The following VTI1A variants were observed in gnomAD, a reference collection of about 807,000 sequenced individuals.
VTI1A encodes the protein vesicle transport through interaction with t-SNAREs 1A.
A neutral mutation model predicts 34.9 loss-of-function variants in VTI1A; 22 were observed. The observed-to-expected ratio is 0.63, with a 90% CI of 0.45 to 0.90. The LOEUF (loss-of-function observed/expected upper bound fraction) is 0.90. VTI1A is among the 40% of genes least tolerant of loss of function. The pLI is 0.00. For missense variants in VTI1A, 268 were observed against 275.6 expected (o/e 0.97, Z 0.20); for synonymous variants, 87 against 97.3 (o/e 0.89, Z 0.62).
At chr10:112,584,911 A>G (rs2134411218) in intron 5 of VTI1A, among the ~76,000 whole-genome samples, 1 of 152,330 alleles carries the variant, frequency 6.6e-6, no homozygotes, top group East Asian at 1.9e-4. Flanking sequence ...CTTTTGAAGT[A>G]AAATAACCAT....
rs1849415124 is a variant in VTI1A, at chr10:112,505,958, A to C, written c.265-21129A>C. Among the ~76,000 whole-genome samples the C allele has an allele frequency of 1.3e-5, 2 of 152,180 alleles. 1 individual carries two copies. The highest frequency in any genetic ancestry group is 1.3e-4 in the Admixed American group (2 of 15,280). On this transcript the variant is annotated intron_variant, in intron 3 of 7. Coordinates refer to ENST00000393077, the MANE Select transcript of VTI1A (RefSeq NM_145206.4). ...CAGCTATCCATAGTATAGTATAATA[A>C]GATATTGTATTATTGTTAGTCTCTT...
At chr10:112,582,195 G>C (rs1016473745) in intron 5 of VTI1A, among the ~76,000 whole-genome samples, 3 of 152,112 alleles carry the variant, frequency 2.0e-5, no homozygotes, top group African/African-American at 7.2e-5. Flanking sequence ...CTGTCGTGGA[G>C]TTAGAAAGAG....
At chr10:112,833,409 C>T in the VTI1A span, among the ~76,000 whole-genome samples, 12 of 152,080 alleles carry the variant, frequency 7.9e-5, 1 homozygote, top group East Asian at 2.1e-3. Context: ...TTCCCTGCCT[C>T]GCCAGCCACT....
intron 5 of VTI1A, among the ~76,000 whole-genome samples, chr10:112,569,844 G>A (rs1479235698): frequency 6.6e-6 from 1 of 152,214 alleles, no homozygotes; most frequent in Non-Finnish European, 1.5e-5. Context: ...AGGTACTTGA[G>A]AAGCATATTA....
chr10:112,842,051 C>CTTTTTTTTTTTTTTTTTTT, the VTI1A span, among the ~76,000 whole-genome samples: 19 of 66,646 alleles, frequency 2.9e-4, no homozygotes, highest in Non-Finnish European at 4.6e-4. Flanking sequence ...TTTTTTTTTC[C>CTTTTTTTTTTTTTTTTTTT]TTTTTTTTTT....
At chr10:112,771,782 A>G (rs571495710) in intron 7 of VTI1A, among the ~76,000 whole-genome samples, 95 of 152,346 alleles carry the variant, frequency 6.2e-4, no homozygotes, top group African/African-American at 2.0e-3. Context: ...ACCATTTCAT[A>G]TAAATGGAAT....
intron 5 of VTI1A, 23 bp downstream of exon 5, chr10:112,538,353 A>G (rs1417896376): frequency 1.2e-6 from 2 of 1,608,306 alleles, no homozygotes; most frequent in Admixed American, 3.3e-5. Flanking sequence ...AGAGTGAGCA[A>G]ATTGTCTTGC....
downstream of VTI1A, among the ~76,000 whole-genome samples, chr10:112,822,132 G>T (rs1231320817): frequency 1.3e-5 from 2 of 152,138 alleles, no homozygotes. Context: ...ACATGAGGGA[G>T]CCTGAGTGGT....
At chr10:112,600,460 A>G (rs546713140) in intron 5 of VTI1A, among the ~76,000 whole-genome samples, 4 of 152,188 alleles carry the variant, frequency 2.6e-5, no homozygotes, top group Admixed American at 2.6e-4. Context: ...CCTCTAAAAT[A>G]CCCAGCACAC....
At position 112,818,667 on chromosome 10, in the gene VTI1A, C is replaced by A. The variant is rs1475108891; in HGVS notation, c.*3284C>A. On this transcript the variant is annotated 3_prime_UTR_variant, in exon 8 of 8. Transcript: ENST00000393077. The stretch of plus-strand genomic sequence containing the variant: ...GCCAGCAACTTGGCGCCTGTTTAGA[C>A]GTTTTTATTTTCTTTCATTATTAGT... 3 of 212,426 alleles carry A rather than the reference C, an allele frequency of 1.4e-5. No individual in the cohort carries two copies. The highest frequency in any genetic ancestry group is 2.9e-5 in the Non-Finnish European group (3 of 104,722). The allele number at this position is 212,426 out of a possible 1,614,324, so 13.2% of individuals were successfully genotyped here. A position where few individuals can be genotyped will look rare whatever the true frequency, so the allele number is the denominator to read the frequency against.
chr10:112,782,373 G>A (rs1486819292), intron 7 of VTI1A, among the ~76,000 whole-genome samples: 1 of 152,274 alleles, frequency 6.6e-6, no homozygotes. Flanking sequence ...GATCAGGCCA[G>A]GCCCTGCGTG....
intron 5 of VTI1A, among the ~76,000 whole-genome samples, chr10:112,620,398 A>T (rs1845686410): frequency 6.6e-6 from 1 of 152,206 alleles, no homozygotes. Flanking sequence ...GACAGCTACA[A>T]CAGAGGTGGA....
At chr10:112,540,700 T>C (rs1184695228) in intron 5 of VTI1A, among the ~76,000 whole-genome samples, 1 of 152,242 alleles carries the variant, frequency 6.6e-6, no homozygotes, top group East Asian at 1.9e-4. Context: ...CTACTGGTCC[T>C]CAGCCTAGTC....
intron 5 of VTI1A, among the ~76,000 whole-genome samples, chr10:112,651,106 T>C (rs1590026072): frequency 1.3e-5 from 2 of 152,194 alleles, no homozygotes; most frequent in Admixed American, 6.5e-5. Context: ...CCTAATCTGT[T>C]ATATCCAGCT....
chr10:112,649,889 C>T (rs957545756), intron 5 of VTI1A, among the ~76,000 whole-genome samples: 16 of 152,054 alleles, frequency 1.1e-4, no homozygotes, highest in Admixed American at 5.2e-4. Flanking sequence ...TCCACCTGGA[C>T]GGGACACTCA....
intron 5 of VTI1A, among the ~76,000 whole-genome samples, chr10:112,581,546 G>A (rs1843936413): frequency 6.6e-6 from 1 of 152,194 alleles, no homozygotes; most frequent in African/African-American, 2.4e-5. Context: ...AATTAGATGT[G>A]ATAATGTGAA....
At chr10:112,744,111 A>G (rs758583493) in intron 7 of VTI1A, among the ~76,000 whole-genome samples, 6 of 152,170 alleles carry the variant, frequency 3.9e-5, no homozygotes, top group African/African-American at 1.4e-4. Flanking sequence ...CTTGTTTTCT[A>G]CTTACGGAAA....
chr10:112,578,094 C>A (rs954378164), intron 5 of VTI1A, among the ~76,000 whole-genome samples: 1 of 152,146 alleles, frequency 6.6e-6, no homozygotes, highest in Non-Finnish European at 1.5e-5. Context: ...CTGGTGATAA[C>A]GATGCTTTAG....
intron 7 of VTI1A, among the ~76,000 whole-genome samples, chr10:112,778,251 C>T (rs939545020): frequency 6.6e-6 from 1 of 152,156 alleles, no homozygotes; most frequent in Non-Finnish European, 1.5e-5. Flanking sequence ...TAACTTAATA[C>T]CAAAGCCATC....
Sources: gnomAD v4.1 joint callset for allele counts (sites outside exome capture counted in the v4.1 genomes callset) on GRCh38, gnomAD v4.1.1 for gene constraint, MANE v1.5 for transcripts, NCBI Gene and HGNC (gene_info 2026-07-23, HGNC 2026-07-21) for gene names.